LRRC8D: variants seen among roughly 807,000 people sequenced by gnomAD.
The protein encoded by LRRC8D is volume-regulated anion channel subunit LRRC8D.
In LRRC8D, 20 loss-of-function variants were observed where a neutral mutation model predicts 55.8. That is an observed-to-expected ratio of 0.36 (90% CI 0.25 to 0.52). The LOEUF is 0.52. LRRC8D is among the 20% of genes least tolerant of loss of function. The pLI is 0.93. For synonymous variants in LRRC8D, 352 were observed against 377.0 expected (o/e 0.93, Z 0.77); for missense variants, 651 against 1,030.8 (o/e 0.63, Z 5.05).
chr1:89,905,603 T>C (rs1239498454), intron 2 of LRRC8D, among the ~76,000 whole-genome samples: 1 of 152,228 alleles, frequency 6.6e-6, no homozygotes, highest in East Asian at 1.9e-4. Context: ...TCTTTATTAC[T>C]GATGATGCAC....
rs1370338164 is a variant in LRRC8D, at chr1:89,933,490, T to C, written c.422T>C (p.Leu141Ser). The change falls in exon 3 of 3, where the codon TTG becomes TCG. Residue 141 changes from leucine (L) to serine (S), a missense_variant. Leu to Ser is a moderately radical substitution (Grantham distance 145, BLOSUM62 -2). Transcript: ENST00000337338. This position sits in a 1 kb window ranked among gnomAD's most constrained non-coding sequence, Gnocchi z 7.0. ...GATCCAACAGGTCGAAAAACAAACT[T>C]GGATTTTCAGCAATATGTATTTATT... ...KKDPTGRKTN[L>S]DFQQYVFINQ... 6.2e-7 allele frequency: 1 copy of C among 1,614,006 alleles called. No homozygotes were observed. The highest frequency in any genetic ancestry group is 8.5e-7 in the Non-Finnish European group (1 of 1,180,046).
intron 2 of LRRC8D, among the ~76,000 whole-genome samples, chr1:89,874,310 G>A (rs572883799): frequency 1.3e-5 from 2 of 152,180 alleles, no homozygotes; most frequent in Non-Finnish European, 2.9e-5. Flanking sequence ...GAAGCTAGCT[G>A]TGTAGCTTTG....
At chr1:89,846,224 G>T (rs1402932080) in intron 2 of LRRC8D, among the ~76,000 whole-genome samples, 2 of 151,936 alleles carry the variant, frequency 1.3e-5, no homozygotes, top group Non-Finnish European at 2.9e-5. Context: ...TAAGAACAGA[G>T]TCTCCTTCTA....
chr1:89,840,773 C>T (rs1225158053), intron 1 of LRRC8D, among the ~76,000 whole-genome samples: 4 of 152,304 alleles, frequency 2.6e-5, no homozygotes, highest in Admixed American at 2.6e-4. Flanking sequence ...AGTCTAATCG[C>T]ATGAGTCCCA....
chr1:89,858,329 TA>T (rs1661613303), intron 2 of LRRC8D, among the ~76,000 whole-genome samples: 1 of 152,168 alleles, frequency 6.6e-6, no homozygotes, highest in Admixed American at 6.5e-5. Context: ...GGATGTCAGG[TA>T]GTATCTGTGG....
At chr1:89,931,010 T>A (rs999985581) in intron 2 of LRRC8D, among the ~76,000 whole-genome samples, 3 of 149,428 alleles carry the variant, frequency 2.0e-5, no homozygotes, top group Admixed American at 2.0e-4. Context: ...GTAATTTTTT[T>A]TTTTTTTTTT....
chr1:89,854,121 G>A (rs1470316582), intron 2 of LRRC8D, among the ~76,000 whole-genome samples: 2 of 152,282 alleles, frequency 1.3e-5, no homozygotes, highest in African/African-American at 2.4e-5. Flanking sequence ...AGGAGAAGAC[G>A]AGGAAGAGAT....
rs1357778247 is a variant in LRRC8D at position 89,934,448 on chromosome 1, C to G, written c.1380C>G (p.Leu460=). Residue 460 remains leucine (L), a synonymous_variant, in exon 3 of 3, where the codon CTC becomes CTG. Coordinates refer to ENST00000337338, the MANE Select transcript of LRRC8D (RefSeq NM_001134479.2). The surrounding 1 kb of genome is among the most constrained non-coding windows in gnomAD (Gnocchi z 5.9). ...ACCATGAGTGGACATTTGAAAAACT[C>G]AGGCAGCACATTTCACGCAACGCCC... is the stretch of plus-strand genomic sequence containing the variant. ...SLNHEWTFEK[L]RQHISRNAQD... 3 of 1,614,152 alleles carry G rather than the reference C, an allele frequency of 1.9e-6. No homozygotes were observed. Among genetic ancestry groups the G allele is most frequent in the Non-Finnish European group, 1.7e-6 (2 of 1,180,032 alleles).
intron 2 of LRRC8D, among the ~76,000 whole-genome samples, chr1:89,929,205 G>T (rs1570897999): frequency 6.6e-6 from 1 of 152,188 alleles, no homozygotes; most frequent in African/African-American, 2.4e-5. Flanking sequence ...AGTATTGTGG[G>T]AACACATGGA....
At chr1:89,856,714 A>T (rs1661562904) in intron 2 of LRRC8D, among the ~76,000 whole-genome samples, 1 of 152,098 alleles carries the variant, frequency 6.6e-6, no homozygotes, top group Non-Finnish European at 1.5e-5. Flanking sequence ...GACGGTATAT[A>T]TTTGGGTCTT....
chr1:89,836,565 A>G (rs1661009314), intron 1 of LRRC8D, among the ~76,000 whole-genome samples: 1 of 152,340 alleles, frequency 6.6e-6, no homozygotes, highest in Non-Finnish European at 1.5e-5. Flanking sequence ...GTTGAAAGGA[A>G]TATTATTTCC....
chr1:89,914,131 C>G (rs931898940), intron 2 of LRRC8D, among the ~76,000 whole-genome samples: 3 of 152,202 alleles, frequency 2.0e-5, no homozygotes, highest in Non-Finnish European at 2.9e-5. Flanking sequence ...AATTATCTTG[C>G]TATGTTATCC....
chr1:89,910,644 T>G (rs1663112749), intron 2 of LRRC8D, among the ~76,000 whole-genome samples: 1 of 152,188 alleles, frequency 6.6e-6, no homozygotes, highest in Admixed American at 6.5e-5. Context: ...CAGTCAGATC[T>G]GGGTTTGAAT....
chr1:89,916,871 T>C (rs1663283389), intron 2 of LRRC8D, among the ~76,000 whole-genome samples: 1 of 152,228 alleles, frequency 6.6e-6, no homozygotes. Flanking sequence ...TGAGCGGGCC[T>C]ACCATGTGTT....
chr1:89,926,800 TAAA>T, intron 2 of LRRC8D, among the ~76,000 whole-genome samples: 1 of 152,116 alleles, frequency 6.6e-6, no homozygotes, highest in Non-Finnish European at 1.5e-5. Context: ...ACATGAGAAA[TAAA>T]GAAGAAAAGG....
intron 2 of LRRC8D, among the ~76,000 whole-genome samples, chr1:89,871,586 A>G (rs1371991410): frequency 6.6e-6 from 1 of 152,200 alleles, no homozygotes; most frequent in African/African-American, 2.4e-5. Flanking sequence ...TCTGACGGTA[A>G]TAGATGTCCA....
rs1663855172 is a variant in LRRC8D at position 89,936,311 on chromosome 1, TTAA to T, written c.*672_*674del. ...TAAGTAACAAGAAATAACACATTTC[TTAA>T]TAATAGCTTTTTTGACATAGTTTGG... is the stretch of plus-strand genomic sequence containing the variant. On this transcript the variant is annotated 3_prime_UTR_variant, in exon 3 of 3. Transcript: ENST00000337338. 1 of 167,116 alleles carries T rather than the reference TTAA, an allele frequency of 6.0e-6. No homozygotes were observed. The highest frequency in any genetic ancestry group is 2.4e-5 in the African/African-American group (1 of 41,466). 10.4% of individuals were successfully genotyped at this position (167,116 alleles called of 1,614,324 possible). A position where few individuals can be genotyped will look rare whatever the true frequency, so the allele number is the denominator to read the frequency against.
intron 2 of LRRC8D, among the ~76,000 whole-genome samples, chr1:89,910,541 A>T (rs956106337): frequency 6.6e-6 from 1 of 151,928 alleles, no homozygotes; most frequent in Non-Finnish European, 1.5e-5. Flanking sequence ...CCTTCTAGTG[A>T]TTTTTTTTAA....
At chr1:89,828,600 CT>C (rs1389527314) in intron 1 of LRRC8D, among the ~76,000 whole-genome samples, 7 of 152,054 alleles carry the variant, frequency 4.6e-5, no homozygotes, top group African/African-American at 1.7e-4. Flanking sequence ...TTGTGATAGT[CT>C]TTCTTTTGAC....
Sources: allele counts gnomAD v4.1 joint callset (sites outside exome capture counted in the v4.1 genomes callset), GRCh38; gene constraint gnomAD v4.1.1; non-coding constraint Gnocchi (gnomAD v3.1); transcripts MANE v1.5; gene names NCBI Gene and HGNC (gene_info 2026-07-23, HGNC 2026-07-21).